Variants in PBX1 observed in about 807,000 individuals in gnomAD.
PBX1 encodes the protein pre-B-cell leukemia transcription factor 1.
A neutral mutation model predicts 53.4 loss-of-function variants in PBX1; 6 were observed. The ratio of observed to expected loss-of-function variants is 0.11; its 90% CI spans 0.06 to 0.22. The LOEUF is 0.22. PBX1 is among the 10% of genes least tolerant of loss of function. The probability of loss-of-function intolerance (pLI) is 1.00; values close to 1 mark genes in which losing one functional copy is unlikely to be tolerated. For missense variants in PBX1, 251 were observed against 551.4 expected, an observed-to-expected ratio of 0.46 and a Z score of 5.46; for synonymous variants, 204 against 212.3, an observed-to-expected ratio of 0.96 and a Z score of 0.34.
intron 3 of PBX1, among the ~76,000 whole-genome samples, chr1:164,793,381 A>G (rs190334342): frequency 1.3e-5 from 2 of 152,302 alleles, no homozygotes; most frequent in Non-Finnish European, 2.9e-5. Flanking sequence ...CTGGGATTCT[A>G]ATCCGGGCAC....
intron 2 of PBX1, among the ~76,000 whole-genome samples, chr1:164,672,908 T>TC (rs2101976294): frequency 6.6e-6 from 1 of 152,346 alleles, no homozygotes; most frequent in South Asian, 2.1e-4. Flanking sequence ...TGAGATGTCA[T>TC]CCTTTTCCTC....
At chr1:164,689,156 A>G (rs1662306780) in intron 2 of PBX1, among the ~76,000 whole-genome samples, 1 of 152,232 alleles carries the variant, frequency 6.6e-6, no homozygotes, top group Non-Finnish European at 1.5e-5. Flanking sequence ...CATTACGGCA[A>G]ACACCTTCCC....
chr1:164,738,019 A>G (rs537562573), intron 2 of PBX1, among the ~76,000 whole-genome samples: 77 of 152,260 alleles, frequency 5.1e-4, no homozygotes, highest in Non-Finnish European at 9.7e-4. Flanking sequence ...ATATATATAT[A>G]TATGGCTTTT....
At chr1:164,844,011 A>T (rs901600645) in intron 8 of PBX1, among the ~76,000 whole-genome samples, 43 of 152,004 alleles carry the variant, frequency 2.8e-4, no homozygotes, top group African/African-American at 9.6e-4. Context: ...TTGTTCCATG[A>T]CCTATGACAT....
At chr1:164,822,058 C>T (rs1009841909) in intron 8 of PBX1, among the ~76,000 whole-genome samples, 2 of 151,912 alleles carry the variant, frequency 1.3e-5, no homozygotes, top group East Asian at 1.9e-4. Flanking sequence ...TGTCTATGGA[C>T]GATTAAAAAG....
chr1:164,629,298 G>A (rs908580086), intron 2 of PBX1, among the ~76,000 whole-genome samples: 6 of 152,154 alleles, frequency 3.9e-5, no homozygotes, highest in African/African-American at 9.7e-5. Flanking sequence ...TGGATGCATA[G>A]TAAATACTGT....
intron 2 of PBX1, among the ~76,000 whole-genome samples, chr1:164,725,863 A>C (rs1053307185): frequency 6.6e-6 from 1 of 152,164 alleles, no homozygotes. Flanking sequence ...GCCCAAGACA[A>C]CTAGAGTGGT....
chr1:164,675,638 C>T (rs1353311154), intron 2 of PBX1, among the ~76,000 whole-genome samples: 1 of 152,120 alleles, frequency 6.6e-6, no homozygotes, highest in Non-Finnish European at 1.5e-5. Flanking sequence ...GGATCATGCA[C>T]TTTACTGCCT....
chr1:164,566,892 A>C (rs1032235703), intron 2 of PBX1, among the ~76,000 whole-genome samples: 1 of 152,200 alleles, frequency 6.6e-6, no homozygotes, highest in African/African-American at 2.4e-5. Context: ...TCTGCATCAA[A>C]GTTAACGCAA....
At position 164,872,697 on chromosome 1, in the gene PBX1, G is replaced by A. The variant is rs1672410618; in HGVS notation, n.258-26491G>A. On this transcript the variant is annotated intron_variant and non_coding_transcript_variant, in intron 2 of 2. Coordinates refer to the PBX1 transcript ENST00000558796. Reference sequence around the variant, plus strand: ...ACCACACACCATTGGCCTATAATGGGCAAGGAGTCATATAATGCTCCCAAG... The same window carrying A: ...ACCACACACCATTGGCCTATAATGGACAAGGAGTCATATAATGCTCCCAAG... Among the ~76,000 whole-genome samples the A allele has an allele frequency of 3.9e-5, 6 of 152,274 alleles. No individual in the cohort carries two copies. In the South Asian group the frequency reaches 1.2e-3, roughly 32 times the overall value.
At chr1:164,697,208 G>A (rs556263011) in intron 2 of PBX1, among the ~76,000 whole-genome samples, 9 of 152,278 alleles carry the variant, frequency 5.9e-5, no homozygotes, top group African/African-American at 2.2e-4. Flanking sequence ...ACACTGACCA[G>A]TAGAGGGATT....
chr1:164,579,284 G>A (rs753546889), intron 2 of PBX1, among the ~76,000 whole-genome samples: 1 of 152,036 alleles, frequency 6.6e-6, no homozygotes, highest in Non-Finnish European at 1.5e-5. Flanking sequence ...TTTGTGCATT[G>A]TCTTCCATTT....
chr1:164,636,307 C>T (rs188468686), intron 2 of PBX1, among the ~76,000 whole-genome samples: 2 of 152,182 alleles, frequency 1.3e-5, no homozygotes, highest in Admixed American at 1.3e-4. Context: ...TGAGTCTGAA[C>T]AAGGCTATTT....
chr1:164,589,215 G>T (rs1208075486), intron 2 of PBX1, among the ~76,000 whole-genome samples: 1 of 152,074 alleles, frequency 6.6e-6, no homozygotes, highest in Non-Finnish European at 1.5e-5. Flanking sequence ...ACAACCACTG[G>T]AAGGAGGAGG....
intron 2 of PBX1, among the ~76,000 whole-genome samples, chr1:164,595,100 T>C (rs1384553466): frequency 1.3e-5 from 2 of 152,248 alleles, no homozygotes; most frequent in Non-Finnish European, 2.9e-5. Context: ...TTTAAGACAG[T>C]ACCACGTCTG....
intron 2 of PBX1, chr1:164,626,000 C>T (rs1368880603): frequency 5.3e-5 from 55 of 1,041,000 alleles, no homozygotes; most frequent in Non-Finnish European, 5.9e-5. Flanking sequence ...AAGTTCTGTT[C>T]GGCACAGAGT....
intron 2 of PBX1, among the ~76,000 whole-genome samples, chr1:164,749,783 C>T (rs953765877): frequency 1.3e-5 from 2 of 151,988 alleles, no homozygotes; most frequent in Non-Finnish European, 2.9e-5. Flanking sequence ...CAAGCAGGCC[C>T]GTATAGATGA....
At chr1:164,627,814 C>T (rs1185933133) in intron 2 of PBX1, among the ~76,000 whole-genome samples, 3 of 151,994 alleles carry the variant, frequency 2.0e-5, no homozygotes, top group African/African-American at 7.3e-5. Context: ...TTTTTTTCTC[C>T]AGTGGGCTTG....
At chr1:164,786,329 G>T (rs943802901) in intron 2 of PBX1, among the ~76,000 whole-genome samples, 5 of 152,168 alleles carry the variant, frequency 3.3e-5, no homozygotes, top group African/African-American at 9.7e-5. Flanking sequence ...GGCATGTCCT[G>T]AGATGCCCCA....
Sources: allele counts gnomAD v4.1 joint callset (sites outside exome capture counted in the v4.1 genomes callset), GRCh38; gene constraint gnomAD v4.1.1; transcripts MANE v1.5; gene names NCBI Gene and HGNC (gene_info 2026-07-23, HGNC 2026-07-21).